Variants in RBMS1 observed in about 807,000 individuals in gnomAD.
The protein encoded by RBMS1 is RNA-binding motif, single-stranded-interacting protein 1.
A neutral mutation model predicts 62.3 loss-of-function variants in RBMS1; 17 were observed. The ratio of observed to expected loss-of-function variants is 0.27; its 90% CI spans 0.19 to 0.41. The LOEUF (loss-of-function observed/expected upper bound fraction) is 0.41, where lower values mean the gene tolerates loss of function less well. Among genes scored for constraint, RBMS1 ranks in the 10% least tolerant of loss-of-function variants. The pLI is 1.00. For missense variants in RBMS1, 334 were observed against 504.5 expected (o/e 0.66, Z 3.24); for synonymous variants, 172 against 170.0 (o/e 1.01, Z -0.09).
At chr2:160,452,174 A>T (rs558644723) in intron 1 of RBMS1, among the ~76,000 whole-genome samples, 1 of 152,142 alleles carries the variant, frequency 6.6e-6, no homozygotes, top group Non-Finnish European at 1.5e-5. Flanking sequence ...AGAAGGCTCT[A>T]TGGAATTACT....
At chr2:160,392,507 T>C (rs754848314) in intron 1 of RBMS1, among the ~76,000 whole-genome samples, 7 of 151,544 alleles carry the variant, frequency 4.6e-5, no homozygotes, top group Non-Finnish European at 8.8e-5. Flanking sequence ...GTATGAAATA[T>C]ATGAGCAGTT....
chr2:160,469,693 C>T (rs1207712137), intron 1 of RBMS1, among the ~76,000 whole-genome samples: 1 of 152,218 alleles, frequency 6.6e-6, no homozygotes, highest in Non-Finnish European at 1.5e-5. Flanking sequence ...CTCAAACAAG[C>T]GTATCAACGC....
At chr2:160,381,170 T>G (rs373343843) in intron 1 of RBMS1, among the ~76,000 whole-genome samples, 18 of 152,182 alleles carry the variant, frequency 1.2e-4, no homozygotes, top group African/African-American at 3.9e-4. Flanking sequence ...CAATAATAGC[T>G]CATATGCAAA....
chr2:160,329,631 T>C (rs940693673), intron 2 of RBMS1, among the ~76,000 whole-genome samples: 1 of 152,102 alleles, frequency 6.6e-6, no homozygotes, highest in Non-Finnish European at 1.5e-5. Flanking sequence ...TACTTTAGTA[T>C]CAGTTTCTCA....
At chr2:160,331,824 C>T (rs980216627) in intron 2 of RBMS1, among the ~76,000 whole-genome samples, 5 of 152,060 alleles carry the variant, frequency 3.3e-5, no homozygotes, top group South Asian at 2.1e-4. Context: ...GAACTGGAGT[C>T]GAGTGTTTGC....
chr2:160,365,136 C>T (rs544580050), intron 2 of RBMS1, among the ~76,000 whole-genome samples: 19 of 152,206 alleles, frequency 1.2e-4, no homozygotes, highest in African/African-American at 4.3e-4. Flanking sequence ...CTCTTTTGTG[C>T]TTTCTCTACA....
intron 6 of RBMS1, among the ~76,000 whole-genome samples, chr2:160,300,349 T>C (rs1349880241): frequency 6.6e-6 from 1 of 152,124 alleles, no homozygotes; most frequent in East Asian, 1.9e-4. Flanking sequence ...TATGATCAAA[T>C]GAAGGGAGGT....
rs1395815380 is a variant in RBMS1, at chr2:160,448,972, T to A, written c.75+44317A>T. ...TCCCGTCTGGGAACTGAGGAGTGTC[T>A]CTGCCCGACCGCCACCCTGTCTGGG... On this transcript the variant is annotated intron_variant, in intron 1 of 13. Coordinates refer to ENST00000348849, the MANE Select transcript of RBMS1 (RefSeq NM_016836.4). Among the ~76,000 whole-genome samples the A allele has an allele frequency of 4.0e-5, 6 of 151,052 alleles. No homozygotes were observed. In the East Asian group the frequency reaches 1.2e-3, roughly 30 times the overall value.
Position 160,318,229 on chromosome 2 carries a change from T to TAAAAAAAAAAAAAAAAAAAAAGAA in RBMS1, c.252-3_252-2insTTCTTTTTTTTTTTTTTTTTTTTT. 6 of 1,163,252 alleles carry TAAAAAAAAAAAAAAAAAAAAAGAA rather than the reference T, an allele frequency of 5.2e-6. No homozygotes were observed. The South Asian group carries it at 6.1e-5, about 12-fold the overall frequency. 72.1% of individuals were successfully genotyped at this position (1,163,252 alleles called of 1,614,324 possible). A position where few individuals can be genotyped will look rare whatever the true frequency, so the allele number is the denominator to read the frequency against. ...TTTGTGGAGACTATTTTCCCATATC[T>TAAAAAAAAAAAAAAAAAAAAAGAA]AAAAAAAAAAAAAAAAAAAAAAAGG... On this transcript the variant is annotated splice_polypyrimidine_tract_variant and splice_region_variant and intron_variant, in intron 2 of 13. Transcript: ENST00000348849.
At chr2:160,376,128 G>T (rs1207565479) in intron 1 of RBMS1, among the ~76,000 whole-genome samples, 1 of 151,888 alleles carries the variant, frequency 6.6e-6, no homozygotes, top group Non-Finnish European at 1.5e-5. Context: ...TCCTCAGGGT[G>T]GAAAATACCC....
At chr2:160,353,499 T>A (rs1384035218) in intron 2 of RBMS1, among the ~76,000 whole-genome samples, 4 of 152,156 alleles carry the variant, frequency 2.6e-5, no homozygotes, top group Non-Finnish European at 2.9e-5. Flanking sequence ...CATACAATTC[T>A]TCATAAATCT....
At chr2:160,394,119 C>T (rs932708140) in intron 1 of RBMS1, among the ~76,000 whole-genome samples, 7 of 152,166 alleles carry the variant, frequency 4.6e-5, no homozygotes, top group East Asian at 1.9e-4. Context: ...ACCCACTTTT[C>T]GTTGGACTAT....
chr2:160,372,584 T>C (rs1450386153), intron 1 of RBMS1, among the ~76,000 whole-genome samples: 1 of 152,224 alleles, frequency 6.6e-6, no homozygotes, highest in Non-Finnish European at 1.5e-5. Context: ...TTCCTCTCTG[T>C]ATGCTTTCAA....
chr2:160,286,939 C>G (rs766485371), intron 7 of RBMS1, 30 bp downstream of exon 7: 207 of 1,608,890 alleles, frequency 1.3e-4, no homozygotes, highest in Middle Eastern at 2.2e-4. Context: ...CCCCCTCCCC[C>G]ACCCCGCAAA....
At chr2:160,369,214 G>T (rs1447011291) in intron 1 of RBMS1, among the ~76,000 whole-genome samples, 2 of 152,136 alleles carry the variant, frequency 1.3e-5, no homozygotes, top group Non-Finnish European at 1.5e-5. Context: ...TTTGATTCAT[G>T]CCCTTAATGA....
chr2:160,493,234 C>T, intron 1 of RBMS1, 55 bp downstream of exon 1: 2 of 1,545,388 alleles, frequency 1.3e-6, no homozygotes, highest in Non-Finnish European at 1.8e-6. Context: ...CCTGACCCTG[C>T]GCGCGTCCCC....
chr2:160,296,764 T>C (rs1041870533), intron 6 of RBMS1, among the ~76,000 whole-genome samples: 1 of 152,210 alleles, frequency 6.6e-6, no homozygotes, highest in Non-Finnish European at 1.5e-5. Flanking sequence ...TTAACTTCAG[T>C]GTGTACATAT....
intron 9 of RBMS1, chr2:160,282,368 T>C: frequency 7.6e-7 from 1 of 1,315,046 alleles, no homozygotes; most frequent in South Asian, 1.1e-5. Flanking sequence ...GACTGTAGCC[T>C]TTCCCCATTG....
intron 2 of RBMS1, among the ~76,000 whole-genome samples, chr2:160,358,941 C>A (rs182462218): frequency 4.6e-5 from 7 of 151,754 alleles, no homozygotes; most frequent in Admixed American, 4.6e-4. Flanking sequence ...TTGTAAAATA[C>A]CATTTTAAAA....
Sources: gnomAD v4.1 joint callset for allele counts (sites outside exome capture counted in the v4.1 genomes callset) on GRCh38, gnomAD v4.1.1 for gene constraint, MANE v1.5 for transcripts, NCBI Gene and HGNC (gene_info 2026-07-23, HGNC 2026-07-21) for gene names.